The following ZSCAN1 variants were observed in gnomAD, a reference collection of about 807,000 sequenced individuals.
The protein encoded by ZSCAN1 is zinc finger and SCAN domain-containing protein 1.
ZSCAN1 carries 23 observed loss-of-function variants against 23.8 expected under a neutral mutation model. The observed-to-expected ratio is 0.97, with a 90% CI of 0.70 to 1.37. The LOEUF is 1.37. ZSCAN1 is among the 40% of genes most tolerant of loss of function. The probability of loss-of-function intolerance (pLI) is 0.00; values close to 1 mark genes in which losing one functional copy is unlikely to be tolerated. For missense variants in ZSCAN1, 575 were observed against 554.0 expected (o/e 1.04, Z -0.38); for synonymous variants, 236 against 232.3 (o/e 1.02, Z -0.15).
chr19:58,036,509 T>C (rs891175633), intron 2 of ZSCAN1, among the ~76,000 whole-genome samples: 5 of 132,226 alleles, frequency 3.8e-5, no homozygotes, highest in Non-Finnish European at 7.8e-5. Context: ...TTCTTTTTTT[T>C]CTTTTCTTTT....
rs754295938 is a variant in ZSCAN1, at chr19:58,053,562, C to T, written c.738C>T (p.Ile246=). ...CCAAGGGTCCAAGTGCTCAGAGAATCAGTCCCCGAAGGAGAAACAGGAACA... is the reference window on the plus strand; with the variant it reads ...CCAAGGGTCCAAGTGCTCAGAGAATTAGTCCCCGAAGGAGAAACAGGAACA... The part of the protein sequence containing the change: ...SSPKGPSAQR[I]SPRRRNRNTD... Residue 246 remains isoleucine, a synonymous_variant, in exon 6 of 6, where the codon ATC becomes ATT. Transcript: ENST00000282326. This position sits in a 1 kb window ranked among gnomAD's most constrained non-coding sequence, Gnocchi z 5.8. The T allele has an allele frequency of 6.2e-7, 1 of 1,614,184 alleles. No homozygotes were observed. Among genetic ancestry groups the T allele is most frequent in the Non-Finnish European group, 8.5e-7 (1 of 1,180,044 alleles).
chr19:58,053,551 G>A lies in ZSCAN1; in HGVS notation c.727G>A (p.Ala243Thr), dbSNP rs2073872425. ...GATCTCGAGCCCCAAGGGTCCAAGT[G>A]CTCAGAGAATCAGTCCCCGAAGGAG... ...TVISSPKGPS[A>T]QRISPRRRNR... The change falls in exon 6 of 6, where the codon GCT (alanine) becomes ACT (threonine). Residue 243 changes from alanine (A) to threonine (T), a missense_variant. Physicochemically the swap from Ala to Thr is moderately conservative, Grantham distance 58 (BLOSUM62 0). Transcript: ENST00000282326. The surrounding 1 kb of genome is among the most constrained non-coding windows in gnomAD (Gnocchi z 5.8). The A allele has an allele frequency of 1.2e-6, 2 of 1,614,190 alleles. No individual in the cohort carries two copies. The highest frequency in any genetic ancestry group is 3.3e-4 in the Middle Eastern group (2 of 6,062).
Position 58,053,823 on chromosome 19 carries a change from C to T in ZSCAN1, c.999C>T (p.Ser333=), listed in dbSNP as rs777679484. 1.4e-5 allele frequency: 23 copies of T among 1,614,028 alleles called. No individual in the cohort carries two copies. The highest frequency in any genetic ancestry group is 1.3e-4 in the South Asian group (12 of 91,076). The part of the protein sequence containing the change: ...PECGKVFLHN[S]VLTEHGKIHL... ...GTGGCAAGGTCTTCCTGCACAACTCCGTCCTCACTGAGCATGGCAAGATCC... is the reference window on the plus strand; with the variant it reads ...GTGGCAAGGTCTTCCTGCACAACTCTGTCCTCACTGAGCATGGCAAGATCC... The change falls in exon 6 of 6, where the codon TCC becomes TCT. Residue 333 remains serine (S), a synonymous_variant. Transcript: ENST00000282326. The surrounding 1 kb of genome is among the most constrained non-coding windows in gnomAD (Gnocchi z 5.8).
Position 58,045,025 on chromosome 19 carries a change from ATGG to A in ZSCAN1, c.465+4487_465+4489del. 2 of 1,136,742 alleles carry A rather than the reference ATGG, an allele frequency of 1.8e-6. No homozygotes were observed. The highest frequency in any genetic ancestry group is 1.7e-5 in the Admixed American group (1 of 57,916). 70.4% of individuals were successfully genotyped at this position (1,136,742 alleles called of 1,614,324 possible). ...CCCTGTGTACAGCGCCCCCGCAGAG[ATGG>A]TGGTGAAGTCCCGGGGGCAGAGAGG... On this transcript the variant is annotated intron_variant, in intron 4 of 5. Coordinates refer to ENST00000282326, the MANE Select transcript of ZSCAN1 (RefSeq NM_182572.4). This position sits in a 1 kb window ranked among gnomAD's most constrained non-coding sequence, Gnocchi z 4.3.
At chr19:58,048,057 T>C (rs975648125) in intron 4 of ZSCAN1, among the ~76,000 whole-genome samples, 10 of 152,268 alleles carry the variant, frequency 6.6e-5, no homozygotes, top group Admixed American at 2.0e-4. Flanking sequence ...GGAAAGCAGC[T>C]GCGCTCAGAC....
chr19:58,043,374 G>A (rs1227323958), intron 4 of ZSCAN1, among the ~76,000 whole-genome samples: 1 of 152,178 alleles, frequency 6.6e-6, no homozygotes, highest in Non-Finnish European at 1.5e-5. Flanking sequence ...TGTGGGCAAC[G>A]GTAACACAAT....
rs896223382 is a variant in ZSCAN1, at chr19:58,044,681, G to T, written c.465+4137G>T. ...CACCGCCCCGCGGGGTAGTCCGGGG[G>T]ATCCTGCTCATCTCAGCTTGCCAGC... On this transcript the variant is annotated intron_variant, in intron 4 of 5. Transcript: ENST00000282326. 4.0e-5 allele frequency: 32 copies of T among 796,812 alleles called. No individual in the cohort carries two copies. In the African/African-American group the frequency reaches 5.1e-4, roughly 13 times the overall value. The allele number at this position is 796,812 out of a possible 1,614,324, so 49.4% of individuals were successfully genotyped here. A position where few individuals can be genotyped will look rare whatever the true frequency, so the allele number is the denominator to read the frequency against.
intron 4 of ZSCAN1, among the ~76,000 whole-genome samples, chr19:58,050,741 G>A (rs1427014089): frequency 6.6e-6 from 1 of 151,998 alleles, no homozygotes; most frequent in African/African-American, 2.4e-5. Flanking sequence ...AGATGGTCTC[G>A]ATATCCTGAC....
intron 4 of ZSCAN1, among the ~76,000 whole-genome samples, chr19:58,044,131 G>A (rs1029346755): frequency 2.0e-5 from 3 of 151,942 alleles, no homozygotes; most frequent in African/African-American, 7.2e-5. Flanking sequence ...AAATAGCTGG[G>A]CGTGGTGGTG....
intron 4 of ZSCAN1, among the ~76,000 whole-genome samples, chr19:58,050,299 G>C (rs888072954): frequency 4.0e-5 from 6 of 151,750 alleles, no homozygotes; most frequent in Admixed American, 6.6e-5. Flanking sequence ...AGCTGGGTGT[G>C]GTGGCACGTG....
chr19:58,055,697 GC>G (rs2073886198), downstream of ZSCAN1, among the ~76,000 whole-genome samples: 1 of 152,218 alleles, frequency 6.6e-6, no homozygotes, highest in South Asian at 2.1e-4. Context: ...CTTGTTGGGA[GC>G]CAGGGGCTCA....
At chr19:58,036,735 G>A (rs2073740168) in intron 2 of ZSCAN1, among the ~76,000 whole-genome samples, 1 of 151,942 alleles carries the variant, frequency 6.6e-6, no homozygotes, top group Non-Finnish European at 1.5e-5. Flanking sequence ...CACTCAGGCT[G>A]GAGTACAGTG....
chr19:58,044,336 C>T (rs1157088690), intron 4 of ZSCAN1, among the ~76,000 whole-genome samples: 1 of 151,924 alleles, frequency 6.6e-6, no homozygotes, highest in African/African-American at 2.4e-5. Context: ...ACATCATTAT[C>T]CCACAGAAAG....
rs1467922081 is a variant in ZSCAN1, at chr19:58,047,459, C to T, written c.466-5031C>T. On this transcript the variant is annotated intron_variant, in intron 4 of 5. Transcript: ENST00000282326. This position sits in a 1 kb window ranked among gnomAD's most constrained non-coding sequence, Gnocchi z 4.9. Reference sequence around the variant, plus strand: ...AGTCGATTGGCACAGAGTTTTCCCACGCTGGTCGGCCTGCCCCAAGAGCCA... The same window carrying T: ...AGTCGATTGGCACAGAGTTTTCCCATGCTGGTCGGCCTGCCCCAAGAGCCA... 5.9e-5 allele frequency among the ~76,000 whole-genome samples: 9 copies of T among 152,304 alleles called. No individual in the cohort carries two copies. The highest frequency in any genetic ancestry group is 9.6e-5 in the African/African-American group (4 of 41,578).
chr19:58,040,352 A>AG lies in ZSCAN1; in HGVS notation c.371-95dup, dbSNP rs929547004. The AG allele has an allele frequency of 6.0e-5, 77 of 1,276,024 alleles. No homozygotes were observed. Among genetic ancestry groups the AG allele is most frequent in the Non-Finnish European group, 8.2e-5 (73 of 886,586 alleles). The allele number at this position is 1,276,024 out of a possible 1,614,324, so 79.0% of individuals were successfully genotyped here. The stretch of plus-strand genomic sequence containing the variant: ...CTTGCCTGCGCCTCAGGGGTGCTGC[A>AG]GGGATGTTCGGGGAAAGTCTGCCCT... On this transcript the variant is annotated intron_variant, in intron 3 of 5. Transcript: ENST00000282326. The surrounding 1 kb of genome is among the most constrained non-coding windows in gnomAD (Gnocchi z 5.8).
chr19:58,056,235 G>C (rs192872113), downstream of ZSCAN1, among the ~76,000 whole-genome samples: 1 of 152,376 alleles, frequency 6.6e-6, no homozygotes, highest in East Asian at 1.9e-4. Flanking sequence ...CAGCAGGGTA[G>C]CTCTATAGTG....
At position 58,052,594 on chromosome 19, in the gene ZSCAN1, G is replaced by A. The variant is rs750197083; in HGVS notation, c.570G>A (p.Ala190=). ...TCCAGCAGAGTCTGCACACCAGGGC[G>A]GAGGCCGAAGCGCCCCGCGCCCCTG... The part of the protein sequence containing the change: ...TQLQQSLHTR[A]EAEAPRAPGL... The change falls in exon 5 of 6, where the codon GCG becomes GCA. Residue 190 remains alanine (A), a synonymous_variant. Transcript: ENST00000282326. The A allele has an allele frequency of 2.2e-5, 36 of 1,612,278 alleles. No homozygotes were observed. The highest frequency in any genetic ancestry group is 7.7e-5 in the South Asian group (7 of 90,970).
At position 58,052,604 on chromosome 19, in the gene ZSCAN1, G is replaced by T. The variant is rs754719438; in HGVS notation, c.580G>T (p.Ala194Ser). ...TCTGCACACCAGGGCGGAGGCCGAA[G>T]CGCCCCGCGCCCCTGGCTTGCTGGG... is the stretch of plus-strand genomic sequence containing the variant. ...QSLHTRAEAEAPRAPGLLGSR... is the reference protein window; with the variant it reads ...QSLHTRAEAESPRAPGLLGSR... Residue 194 changes from alanine to serine, a missense_variant, in exon 5 of 6, where the codon GCG (alanine) becomes TCG (serine). By Grantham distance (99) the Ala-to-Ser change is moderately conservative (BLOSUM62 1). Coordinates refer to ENST00000282326, the MANE Select transcript of ZSCAN1 (RefSeq NM_182572.4). The T allele has an allele frequency of 1.2e-6, 2 of 1,607,026 alleles. No homozygotes were observed. Among genetic ancestry groups the T allele is most frequent in the Non-Finnish European group, 1.7e-6 (2 of 1,176,156 alleles).
intron 4 of ZSCAN1, among the ~76,000 whole-genome samples, chr19:58,044,247 G>A (rs1397116641): frequency 6.6e-6 from 1 of 151,906 alleles, no homozygotes; most frequent in Admixed American, 6.6e-5. Flanking sequence ...ACTCCAGCCC[G>A]AGCAACAGGA....
Sources: gnomAD v4.1 joint callset for allele counts (sites outside exome capture counted in the v4.1 genomes callset) on GRCh38, gnomAD v4.1.1 for gene constraint, Gnocchi (gnomAD v3.1) non-coding constraint, MANE v1.5 for transcripts, NCBI Gene and HGNC (gene_info 2026-07-23, HGNC 2026-07-21) for gene names.